The following FASTKD5 variants were observed in gnomAD, a reference collection of about 807,000 sequenced individuals.
FASTKD5 encodes the protein non-canonical pre-mRNAs endonuclease FASTKD5, mitochondrial.
FASTKD5 carries 30 observed loss-of-function variants against 44.0 expected under a neutral mutation model. The observed-to-expected ratio is 0.68, with a 90% CI of 0.51 to 0.93. The LOEUF is 0.93. Among genes scored for constraint, FASTKD5 ranks in the 40% least tolerant of loss-of-function variants. The pLI, the probability that FASTKD5 is intolerant of heterozygous loss-of-function variation, is 0.00. For missense variants in FASTKD5, 868 were observed against 908.2 expected (o/e 0.96, Z 0.57); for synonymous variants, 335 against 342.2 (o/e 0.98, Z 0.23).
chr20:3,157,846 T>C (rs1282010748), intron 1 of FASTKD5, among the ~76,000 whole-genome samples: 2 of 152,278 alleles, frequency 1.3e-5, no homozygotes, highest in Non-Finnish European at 2.9e-5. Flanking sequence ...CAAGGCTGTA[T>C]AGAGGCTGTA....
At chr20:3,155,357 A>T (rs370526598) in intron 1 of FASTKD5, among the ~76,000 whole-genome samples, 2 of 152,218 alleles carry the variant, frequency 1.3e-5, no homozygotes, top group East Asian at 3.9e-4. Flanking sequence ...TGGCGAAACC[A>T]CGTCTCTCCT....
intron 1 of FASTKD5, among the ~76,000 whole-genome samples, chr20:3,155,192 T>C (rs1288181492): frequency 1.3e-5 from 2 of 151,944 alleles, no homozygotes; most frequent in African/African-American, 2.4e-5. Flanking sequence ...CCAGGAGTTC[T>C]AGACCAGCCT....
chr20:3,158,396 A>C (rs561581750), intron 1 of FASTKD5, among the ~76,000 whole-genome samples: 2 of 152,368 alleles, frequency 1.3e-5, no homozygotes, highest in East Asian at 3.9e-4. Flanking sequence ...TTAGACCTGC[A>C]TAACTGCCAA....
At chr20:3,154,587 G>T (rs75773273) in intron 1 of FASTKD5, among the ~76,000 whole-genome samples, 11,320 of 152,222 alleles carry the variant, frequency 0.074, 529 homozygotes, top group Middle Eastern at 0.13. Flanking sequence ...GGAGGTAGAA[G>T]TGGGAAGGTT....
chr20:3,159,372 AC>A (rs1056009427), intron 1 of FASTKD5, among the ~76,000 whole-genome samples: 39 of 152,290 alleles, frequency 2.6e-4, no homozygotes, highest in African/African-American at 9.4e-4. Context: ...TTATCTCAGA[AC>A]CCACCCCAGT....
chr20:3,148,876 A>C lies in FASTKD5; in HGVS notation c.195T>G (p.Ser65=), dbSNP rs2066596456. The C allele has an allele frequency of 4.3e-6, 7 of 1,614,100 alleles. No individual in the cohort carries two copies. The highest frequency in any genetic ancestry group is 3.3e-5 in the South Asian group (3 of 91,088). Residue 65 remains serine (S), a synonymous_variant, in exon 2 of 2, where the codon TCT becomes TCG. Coordinates refer to ENST00000380266, the MANE Select transcript of FASTKD5 (RefSeq NM_021826.5). ...KVKNICSTFS[S]RRILTTSSAH... ...CACTGCTGGTTGTCAGGATTCTCCG[A>C]GAAGAGAAGGTGCTACATATGTTCT...
chr20:3,155,936 A>C (rs1193880099), intron 1 of FASTKD5, among the ~76,000 whole-genome samples: 1 of 152,208 alleles, frequency 6.6e-6, no homozygotes, highest in East Asian at 1.9e-4. Context: ...GAAACAGAGG[A>C]CTTCAGAAGT....
At chr20:3,152,341 C>T (rs1314460618) in intron 1 of FASTKD5, among the ~76,000 whole-genome samples, 1 of 151,346 alleles carries the variant, frequency 6.6e-6, no homozygotes, top group Non-Finnish European at 1.5e-5. Context: ...ATTAGCCAGG[C>T]GTGGTGGTGG....
Position 3,146,568 on chromosome 20 carries a change from C to T in FASTKD5, c.*208G>A. 1.8e-6 allele frequency: 1 copy of T among 567,756 alleles called. No homozygotes were observed. The highest frequency in any genetic ancestry group is 1.9e-5 in the African/African-American group (1 of 53,584). The allele number at this position is 567,756 out of a possible 1,614,324, so 35.2% of individuals were successfully genotyped here. The stretch of plus-strand genomic sequence containing the variant: ...GATGTTTATTATTTACTAAGAGTAA[C>T]ATGTATACATTTGCAGTAATTTGTA... On this transcript the variant is annotated 3_prime_UTR_variant, in exon 2 of 2. Coordinates refer to ENST00000380266, the MANE Select transcript of FASTKD5 (RefSeq NM_021826.5).
intron 1 of FASTKD5, among the ~76,000 whole-genome samples, chr20:3,158,133 TGTTTTTTGTTTTTTTC>T (rs2066708076): frequency 6.6e-6 from 1 of 152,004 alleles, no homozygotes; most frequent in Non-Finnish European, 1.5e-5. Context: ...GTGTTTTTTT[TGTTTTTTGTTTTTTTC>T]GTAGAGACAG....
intron 1 of FASTKD5, among the ~76,000 whole-genome samples, chr20:3,153,599 C>CG (rs2066654037): frequency 1.3e-5 from 2 of 152,048 alleles, no homozygotes; most frequent in Non-Finnish European, 2.9e-5. Context: ...AAAACAGGTT[C>CG]GGGGGGCAGT....
intron 1 of FASTKD5, among the ~76,000 whole-genome samples, chr20:3,156,168 T>G (rs2066682262): frequency 6.7e-6 from 1 of 149,586 alleles, no homozygotes. Flanking sequence ...AATTAACTTC[T>G]GACTCTTTTT....
intron 1 of FASTKD5, among the ~76,000 whole-genome samples, chr20:3,153,669 G>A (rs543575613): frequency 6.6e-6 from 1 of 152,276 alleles, no homozygotes; most frequent in South Asian, 2.1e-4. Context: ...CCAGGGAGCT[G>A]GAGGGTTAGA....
chr20:3,146,882 TAGCCA>T lies in FASTKD5; in HGVS notation c.2184_2188del (p.Gly729ProfsTer27). 6.2e-7 allele frequency: 1 copy of T among 1,614,148 alleles called. No homozygotes were observed. Among genetic ancestry groups the T allele is most frequent in the Non-Finnish European group, 8.5e-7 (1 of 1,180,028 alleles). On this transcript the variant is annotated frameshift_variant, in exon 2 of 2. Coordinates refer to ENST00000380266, the MANE Select transcript of FASTKD5 (RefSeq NM_021826.5). LOFTEE classifies it high-confidence loss of function. Reference sequence around the variant, plus strand: ...CCAGTAGGATAACTCTACCACACGGTAGCCAAGCCGAGCCAGCTGCCGCCTCTTCA... The same window carrying T: ...CCAGTAGGATAACTCTACCACACGGTAGCCGAGCCAGCTGCCGCCTCTTCA...
chr20:3,156,951 A>C (rs2066692178), intron 1 of FASTKD5, among the ~76,000 whole-genome samples: 1 of 152,204 alleles, frequency 6.6e-6, no homozygotes. Context: ...TTTGTTGAGC[A>C]ACCTTAAGAA....
chr20:3,154,424 G>A (rs967338623), intron 1 of FASTKD5, among the ~76,000 whole-genome samples: 51 of 152,234 alleles, frequency 3.4e-4, no homozygotes, highest in Admixed American at 1.4e-3. Flanking sequence ...GCCCATTCCT[G>A]TAATCATAGT....
chr20:3,146,770 T>G lies in FASTKD5; in HGVS notation c.*6A>C. The G allele has an allele frequency of 6.2e-7, 1 of 1,610,552 alleles. No homozygotes were observed. The highest frequency in any genetic ancestry group is 2.2e-5 in the East Asian group (1 of 44,878). On this transcript the variant is annotated 3_prime_UTR_variant, in exon 2 of 2. Coordinates refer to ENST00000380266, the MANE Select transcript of FASTKD5 (RefSeq NM_021826.5). ...GCTTTGCCATAGAAATGCCCCTAAATGCCCTTCAGAGAGCAGAGGTGAATA... is the reference window on the plus strand; with the variant it reads ...GCTTTGCCATAGAAATGCCCCTAAAGGCCCTTCAGAGAGCAGAGGTGAATA...
At position 3,147,879 on chromosome 20, in the gene FASTKD5, G is replaced by C. The variant is rs753715819; in HGVS notation, c.1192C>G (p.Leu398Val). ...AGGAAGCGTAAGGCCGAGCAGTAAAGAGTCAGGTGCATGACACCTTGAACT... is the reference window on the plus strand; with the variant it reads ...AGGAAGCGTAAGGCCGAGCAGTAAACAGTCAGGTGCATGACACCTTGAACT... Reference protein sequence around the residue: ...LGVQGVMHLTLYCSALRFLNE... With the variant: ...LGVQGVMHLTVYCSALRFLNE... Residue 398 changes from leucine (L) to valine (V), a missense_variant, in exon 2 of 2, where the codon CTT becomes GTT. By Grantham distance (32) the Leu-to-Val change is conservative (BLOSUM62 1). Transcript: ENST00000380266. 5 of 1,614,146 alleles carry C rather than the reference G, an allele frequency of 3.1e-6. No individual in the cohort carries two copies. Among genetic ancestry groups the C allele is most frequent in the Admixed American group, 1.7e-5 (1 of 60,002 alleles).
At chr20:3,153,727 T>C (rs2066655942) in intron 1 of FASTKD5, among the ~76,000 whole-genome samples, 1 of 152,238 alleles carries the variant, frequency 6.6e-6, no homozygotes, top group Non-Finnish European at 1.5e-5. Flanking sequence ...TCTACGATTC[T>C]ATCACTACGG....
Sources: allele counts gnomAD v4.1 joint callset (sites outside exome capture counted in the v4.1 genomes callset), GRCh38; gene constraint gnomAD v4.1.1; transcripts MANE v1.5; gene names NCBI Gene and HGNC (gene_info 2026-07-23, HGNC 2026-07-21).